C4orf51: variants seen among roughly 807,000 people sequenced by gnomAD.
C4orf51 encodes uncharacterized protein C4orf51.
A neutral mutation model predicts 25.2 loss-of-function variants in C4orf51; 25 were observed. That is an observed-to-expected ratio of 0.99 (90% confidence interval 0.72 to 1.39). C4orf51 has a LOEUF of 1.39. C4orf51 is among the 40% of genes most tolerant of loss of function. C4orf51 has a pLI of 0.00. For synonymous variants in C4orf51, 100 were observed against 84.5 expected (o/e 1.18, Z -1.01); for missense variants, 252 against 239.6 (o/e 1.05, Z -0.34).
intron 3 of C4orf51, among the ~76,000 whole-genome samples, chr4:145,728,491 T>C (rs980913814): frequency 1.3e-5 from 2 of 152,192 alleles, no homozygotes; most frequent in African/African-American, 4.8e-5. Flanking sequence ...TTTTGTAAAA[T>C]CACCATGAAT....
rs138237650 is a variant in C4orf51 at position 145,768,066 on chromosome 4, C to T, written n.167-2922C>T. 5.0e-3 allele frequency among the ~76,000 whole-genome samples: 767 copies of T among 152,172 alleles called. 13 individuals carry two copies. The highest frequency in any genetic ancestry group is 3.9e-3 in the Admixed American group (59 of 15,292). On this transcript the variant is annotated intron_variant and non_coding_transcript_variant, in intron 1 of 1. Coordinates refer to the C4orf51 transcript ENST00000510096. ...AGTAAACATATGACAATAGTATAAACGCTAGGAGGAGAGAAATGGAAGTCT... is the reference window on the plus strand; with the variant it reads ...AGTAAACATATGACAATAGTATAAATGCTAGGAGGAGAGAAATGGAAGTCT...
chr4:145,680,663 T>C (rs1728782109), intron 1 of C4orf51, among the ~76,000 whole-genome samples: 1 of 152,208 alleles, frequency 6.6e-6, no homozygotes, highest in Non-Finnish European at 1.5e-5. Flanking sequence ...TACCTAGTCC[T>C]GAAAGGATAT....
chr4:145,733,805 G>C (rs753819155), downstream of C4orf51, among the ~76,000 whole-genome samples: 2 of 152,130 alleles, frequency 1.3e-5, no homozygotes, highest in Non-Finnish European at 2.9e-5. Flanking sequence ...CAGCCCTGTA[G>C]CCACTTAGGA....
At chr4:145,700,247 T>A (rs369149255) in intron 2 of C4orf51, among the ~76,000 whole-genome samples, 1 of 149,458 alleles carries the variant, frequency 6.7e-6, no homozygotes. Flanking sequence ...CCCCAACCTC[T>A]TATCTCTGTG....
chr4:145,768,892 T>A (rs28408804), intron 1 of C4orf51, among the ~76,000 whole-genome samples: 158 of 7,270 alleles, frequency 0.022, 2 homozygotes, highest in Non-Finnish European at 0.029. Context: ...AAAAAAAAAA[T>A]ATATATATAT....
intron 1 of C4orf51, among the ~76,000 whole-genome samples, chr4:145,769,735 A>G (rs10020750): frequency 0.41 from 61,822 of 152,054 alleles, 14,269 homozygotes; most frequent in Non-Finnish European, 0.54. Flanking sequence ...CTTCAGCATC[A>G]CAAAGATCTT....
chr4:145,685,555 G>A (rs113559199), intron 1 of C4orf51, among the ~76,000 whole-genome samples: 7,686 of 152,226 alleles, frequency 0.05, 245 homozygotes, highest in Middle Eastern at 0.14. Context: ...TAACGTGACT[G>A]GGGGCTGCAT....
intron 1 of C4orf51, among the ~76,000 whole-genome samples, chr4:145,740,412 G>A (rs759178076): frequency 1.3e-5 from 2 of 151,962 alleles, no homozygotes; most frequent in Non-Finnish European, 2.9e-5. Context: ...CTAACTCATC[G>A]GGTTTCCTAC....
chr4:145,738,791 C>T (rs1179793181), intron 1 of C4orf51, among the ~76,000 whole-genome samples: 1 of 151,934 alleles, frequency 6.6e-6, no homozygotes, highest in Non-Finnish European at 1.5e-5. Context: ...AGGTGGGCAC[C>T]ACAACGCCCG....
chr4:145,754,420 C>T (rs1324890853), downstream of C4orf51: 1 of 152,200 alleles, frequency 6.6e-6, no homozygotes, highest in East Asian at 1.9e-4. Flanking sequence ...GCTCAGTGGT[C>T]ACAGTGGCAC....
intron 1 of C4orf51, among the ~76,000 whole-genome samples, chr4:145,692,934 C>A (rs76268962): frequency 0.14 from 18,653 of 132,068 alleles, 1,305 homozygotes; most frequent in South Asian, 0.22. Flanking sequence ...CAAGTTACTC[C>A]GCTGATATTA....
chr4:145,727,071 A>C, intron 3 of C4orf51, 102 bp downstream of exon 3: 1 of 891,408 alleles, frequency 1.1e-6, no homozygotes, highest in East Asian at 2.5e-5. Flanking sequence ...AAATTTTTAA[A>C]AAACAATATT....
chr4:145,765,580 G>A lies in C4orf51; in HGVS notation n.167-5408G>A. On this transcript the variant is annotated intron_variant and non_coding_transcript_variant, in intron 1 of 1. Transcript: ENST00000510096. The surrounding 1 kb of genome is among the most constrained non-coding windows in gnomAD (Gnocchi z 4.7). ...GGCTTTTCCTCACTGTTCAGTGAGG[G>A]CTGGCTCCCAGGCATGACAGAGATG... is the stretch of plus-strand genomic sequence containing the variant. The A allele has an allele frequency of 6.2e-7, 1 of 1,613,918 alleles. No homozygotes were observed. The highest frequency in any genetic ancestry group is 1.7e-4 in the Middle Eastern group (1 of 6,040).
intron 2 of C4orf51, among the ~76,000 whole-genome samples, chr4:145,711,092 C>A (rs2126727077): frequency 6.6e-6 from 1 of 152,200 alleles, no homozygotes; most frequent in East Asian, 1.9e-4. Context: ...CATCAAGGCA[C>A]CAAAATGTCT....
the C4orf51 span, among the ~76,000 whole-genome samples, chr4:145,789,013 T>C: frequency 3.3e-5 from 5 of 152,352 alleles, no homozygotes; most frequent in South Asian, 2.1e-4. Context: ...AGGCTGGTCA[T>C]GAAACATAGT....
intron 2 of C4orf51, 37 bp downstream of exon 2, chr4:145,696,669 T>G: frequency 6.8e-7 from 1 of 1,460,392 alleles, no homozygotes; most frequent in South Asian, 1.2e-5. Flanking sequence ...GCCCAGCCCT[T>G]TTGCCAGGGT....
chr4:145,757,038 A>G (rs1223568305), downstream of C4orf51, among the ~76,000 whole-genome samples: 1 of 152,202 alleles, frequency 6.6e-6, no homozygotes, highest in East Asian at 1.9e-4. Context: ...AAAGGTCTCA[A>G]ATAGATAGAA....
At chr4:145,726,838 C>T in intron 2 of C4orf51, 73 bp from the exon 3 acceptor site, 1 of 1,250,242 alleles carries the variant, frequency 8.0e-7, no homozygotes. Context: ...TGGTAATAGC[C>T]TAATTGGAAG....
At chr4:145,776,790 T>A in the C4orf51 span, among the ~76,000 whole-genome samples, 1 of 152,244 alleles carries the variant, frequency 6.6e-6, no homozygotes, top group South Asian at 2.1e-4. Context: ...GAAAAAATGC[T>A]GTGTGAAATA....
Sources: allele counts gnomAD v4.1 joint callset (sites outside exome capture counted in the v4.1 genomes callset), GRCh38; gene constraint gnomAD v4.1.1; non-coding constraint Gnocchi (gnomAD v3.1); transcripts MANE v1.5; gene names NCBI Gene and HGNC (gene_info 2026-07-23, HGNC 2026-07-21).